The following ANKH variants were observed in gnomAD, a reference collection of about 807,000 sequenced individuals.
ANKH encodes mineralization regulator ANKH.
In ANKH, 15 loss-of-function variants were observed where a neutral mutation model predicts 49.0. The observed-to-expected ratio is 0.31, with a 90% CI of 0.20 to 0.47. The LOEUF (loss-of-function observed/expected upper bound fraction) is 0.47, where lower values mean the gene tolerates loss of function less well. Among genes scored for constraint, ANKH ranks in the 20% least tolerant of loss-of-function variants. The pLI is 1.00. For missense variants in ANKH, 429 were observed against 652.0 expected, an observed-to-expected ratio of 0.66 and a Z score of 3.72; for synonymous variants, 273 against 260.0, an observed-to-expected ratio of 1.05 and a Z score of -0.48.
chr5:14,817,661 G>A (rs1339666389), intron 1 of ANKH, among the ~76,000 whole-genome samples: 2 of 152,136 alleles, frequency 1.3e-5, no homozygotes, highest in Admixed American at 1.3e-4. Context: ...GAAGTAAAAG[G>A]CTGTGAATTT....
intron 1 of ANKH, among the ~76,000 whole-genome samples, chr5:14,842,722 G>T (rs770264812): frequency 1.3e-5 from 2 of 152,190 alleles, no homozygotes; most frequent in African/African-American, 4.8e-5. Context: ...GACAGGGAGT[G>T]GGGGTTTTCT....
chr5:14,740,861 G>A (rs1738330829), intron 8 of ANKH, among the ~76,000 whole-genome samples: 1 of 152,174 alleles, frequency 6.6e-6, no homozygotes, highest in African/African-American at 2.4e-5. Flanking sequence ...CTCTTTATTA[G>A]TTATTGACAA....
chr5:14,867,013 C>T (rs547436012), intron 1 of ANKH, among the ~76,000 whole-genome samples: 10 of 151,892 alleles, frequency 6.6e-5, no homozygotes, highest in African/African-American at 1.2e-4. Context: ...AAAAATTAGC[C>T]GGGGGTGGTG....
intron 3 of ANKH, among the ~76,000 whole-genome samples, chr5:14,757,430 A>ATATATATATTTTTTTTTTT (rs1379233165): frequency 2.6e-5 from 3 of 113,798 alleles, no homozygotes; most frequent in African/African-American, 9.9e-5. Context: ...ATATATATAT[A>ATATATATATTTTTTTTTTT]TTTTTTTTTT....
chr5:14,743,365 G>C (rs185433591), intron 7 of ANKH, among the ~76,000 whole-genome samples: 7 of 152,316 alleles, frequency 4.6e-5, no homozygotes, highest in Admixed American at 4.6e-4. Context: ...ACGTACCACA[G>C]CTCCTTCAGG....
intron 1 of ANKH, among the ~76,000 whole-genome samples, chr5:14,842,335 C>T (rs954276554): frequency 9.2e-5 from 14 of 152,168 alleles, no homozygotes; most frequent in African/African-American, 3.1e-4. Context: ...ATCAAAGGCT[C>T]AGCTCACTGG....
chr5:14,797,859 T>C (rs1303801443), intron 1 of ANKH: 1 of 1,611,768 alleles, frequency 6.2e-7, no homozygotes, highest in Admixed American at 1.7e-5. Context: ...AGAAAGCCCA[T>C]AGCCTTCCTT....
chr5:14,767,043 T>A (rs1365397459), intron 2 of ANKH, among the ~76,000 whole-genome samples: 1 of 152,130 alleles, frequency 6.6e-6, no homozygotes, highest in Non-Finnish European at 1.5e-5. Context: ...AGGTGATGCA[T>A]AGAGACTGCC....
intron 5 of ANKH, among the ~76,000 whole-genome samples, chr5:14,749,619 G>A (rs988122013): frequency 6.6e-6 from 1 of 152,208 alleles, no homozygotes; most frequent in Non-Finnish European, 1.5e-5. Context: ...CCCACATCTC[G>A]AGCCTGAGAA....
chr5:14,734,979 G>A (rs1738128896), intron 8 of ANKH, among the ~76,000 whole-genome samples: 2 of 152,210 alleles, frequency 1.3e-5, no homozygotes, highest in South Asian at 4.1e-4. Context: ...GTTTTTGAAT[G>A]TTTGTAGTGG....
At chr5:14,842,732 T>C (rs948655230) in intron 1 of ANKH, among the ~76,000 whole-genome samples, 9 of 152,210 alleles carry the variant, frequency 5.9e-5, no homozygotes, top group African/African-American at 1.7e-4. Context: ...GGGGGTTTTC[T>C]TCTATCAAGC....
In ANKH at chr5:14,713,700, GC is replaced by G; in HGVS notation, c.1142-34del. On this transcript the variant is annotated intron_variant, in intron 9 of 11. Coordinates refer to ENST00000284268, the MANE Select transcript of ANKH (RefSeq NM_054027.6). This position sits in a 1 kb window ranked among gnomAD's most constrained non-coding sequence, Gnocchi z 4.4. Reference sequence around the variant, plus strand: ...GAGGAGCAAAGGACTCGTCAGCCGTGCCCGCCATCCACTCCCCATCCTGCTG... The same window carrying G: ...GAGGAGCAAAGGACTCGTCAGCCGTGCCGCCATCCACTCCCCATCCTGCTG... 8.7e-6 allele frequency: 14 copies of G among 1,611,926 alleles called. No individual in the cohort carries two copies. Among genetic ancestry groups the G allele is most frequent in the Non-Finnish European group, 1.2e-5 (14 of 1,179,804 alleles).
chr5:14,734,563 G>A (rs919778111), intron 8 of ANKH, among the ~76,000 whole-genome samples: 7 of 152,328 alleles, frequency 4.6e-5, no homozygotes, highest in South Asian at 4.1e-4. Flanking sequence ...CGAAAGAGCC[G>A]GGCTGGGCAC....
chr5:14,711,706 C>T (rs1737213454), intron 11 of ANKH, among the ~76,000 whole-genome samples: 1 of 152,238 alleles, frequency 6.6e-6, no homozygotes, highest in South Asian at 2.1e-4. Flanking sequence ...AATATTCCAC[C>T]TTGTACAGCA....
At position 14,711,050 on chromosome 5, in the gene ANKH, A is replaced by T. The variant is rs377727408; in HGVS notation, c.*147T>A. ...GTGAGCATACCCAGTATGCTAGAGA[A>T]TTGACACGAAACCTTTAAATCAAGG... is the stretch of plus-strand genomic sequence containing the variant. On this transcript the variant is annotated 3_prime_UTR_variant, in exon 12 of 12. Coordinates refer to ENST00000284268, the MANE Select transcript of ANKH (RefSeq NM_054027.6). The T allele has an allele frequency of 5.3e-6, 4 of 754,202 alleles. No homozygotes were observed. The highest frequency in any genetic ancestry group is 3.4e-5 in the African/African-American group (2 of 58,934). The allele number at this position is 754,202 out of a possible 1,614,324, so 46.7% of individuals were successfully genotyped here. A position where few individuals can be genotyped will look rare whatever the true frequency, so the allele number is the denominator to read the frequency against.
intron 8 of ANKH, among the ~76,000 whole-genome samples, chr5:14,723,874 A>G (rs567097846): frequency 6.6e-6 from 1 of 152,318 alleles, no homozygotes; most frequent in East Asian, 1.9e-4. Flanking sequence ...CTTGAATCAT[A>G]TTAACCTCTT....
chr5:14,789,991 T>C (rs986786188), intron 1 of ANKH, among the ~76,000 whole-genome samples: 1 of 152,206 alleles, frequency 6.6e-6, no homozygotes, highest in Non-Finnish European at 1.5e-5. Flanking sequence ...ATTACAGGCG[T>C]GAGCCACCAG....
intron 1 of ANKH, among the ~76,000 whole-genome samples, chr5:14,806,681 C>A (rs551025476): frequency 4.6e-5 from 7 of 152,130 alleles, no homozygotes; most frequent in Admixed American, 4.6e-4. Flanking sequence ...TAATGGGAAC[C>A]GGCTGCGGCA....
intron 1 of ANKH, among the ~76,000 whole-genome samples, chr5:14,832,216 G>C (rs1741526254): frequency 6.6e-6 from 1 of 152,016 alleles, no homozygotes; most frequent in African/African-American, 2.4e-5. Flanking sequence ...TACAAAGTAG[G>C]ACATAATTTA....
Sources: allele counts gnomAD v4.1 joint callset (sites outside exome capture counted in the v4.1 genomes callset), GRCh38; gene constraint gnomAD v4.1.1; non-coding constraint Gnocchi (gnomAD v3.1); transcripts MANE v1.5; gene names NCBI Gene and HGNC (gene_info 2026-07-23, HGNC 2026-07-21).